The following FARSA variants were observed in gnomAD, a reference collection of about 807,000 sequenced individuals.
The protein encoded by FARSA is phenylalanine--tRNA ligase alpha subunit.
FARSA carries 37 observed loss-of-function variants against 63.2 expected under a neutral mutation model. That is an observed-to-expected ratio of 0.59 (90% CI 0.45 to 0.77). FARSA has a LOEUF of 0.77. FARSA is among the 30% of genes least tolerant of loss of function. FARSA has a pLI of 0.00. For missense variants in FARSA, 618 were observed against 696.6 expected, an observed-to-expected ratio of 0.89 and a Z score of 1.27; for synonymous variants, 312 against 285.1, an observed-to-expected ratio of 1.09 and a Z score of -0.95.
chr19:12,925,863 G>A (rs10419627), intron 7 of FARSA, among the ~76,000 whole-genome samples: 85,182 of 151,908 alleles, frequency 0.56, 24,774 homozygotes, highest in East Asian at 0.82. Flanking sequence ...GGTAGACGTG[G>A]GGTTTCACCA....
intron 7 of FARSA, among the ~76,000 whole-genome samples, chr19:12,927,122 G>A (rs760745131): frequency 2.0e-5 from 3 of 152,252 alleles, no homozygotes; most frequent in Non-Finnish European, 4.4e-5. Flanking sequence ...AACACTAGGG[G>A]AGAAGGGCTT....
rs1599655278 is a variant in FARSA, at chr19:12,933,567, G to A, written c.130C>T (p.Leu44Phe). ...HQAVVGAVKS[L>F]QALGEVIEAE... is the part of the protein sequence containing the mutation. ...CGGCTCACCTCGCCCAGCGCCTGAA[G>A]GCTCTTCACGGCGCCCACCACCGCC... is the stretch of plus-strand genomic sequence containing the variant. The change falls in exon 1 of 13, where the codon CTT becomes TTT. Residue 44 changes from leucine to phenylalanine, a missense_variant. Leu to Phe is a conservative substitution (Grantham distance 22). Coordinates refer to ENST00000314606, the MANE Select transcript of FARSA (RefSeq NM_004461.3). The A allele has an allele frequency of 1.3e-6, 2 of 1,546,062 alleles. No homozygotes were observed. The highest frequency in any genetic ancestry group is 1.4e-5 in the African/African-American group (1 of 73,472).
Position 12,933,343 on chromosome 19 carries a change from G to A in FARSA, c.147+207C>T. 6.9e-6 allele frequency: 4 copies of A among 583,692 alleles called. No homozygotes were observed. The South Asian group carries it at 8.9e-5, about 13-fold the overall frequency. 36.2% of individuals were successfully genotyped at this position (583,692 alleles called of 1,614,324 possible). Reference sequence around the variant, plus strand: ...ATCGTACCCTCTACCCACGCTGACCGTGCCTCAATAAACGTTTATTGCATG... The same window carrying A: ...ATCGTACCCTCTACCCACGCTGACCATGCCTCAATAAACGTTTATTGCATG... On this transcript the variant is annotated intron_variant, in intron 1 of 12. Transcript: ENST00000314606.
In FARSA at chr19:12,924,476, T is replaced by C. The variant is rs1241307708; in HGVS notation, c.1246A>G (p.Ser416Gly). 1 of 1,613,414 alleles carries C rather than the reference T, an allele frequency of 6.2e-7. No individual in the cohort carries two copies. The highest frequency in any genetic ancestry group is 8.5e-7 in the Non-Finnish European group (1 of 1,180,012). ...KPAYNPYTEP[S>G]MEVFSYHQGL... ...TGGTGGTAGCTGAACACCTCCATGC[T>C]GGGCTCTGTGTATGGGTTGTAGGCT... The change falls in exon 11 of 13, where the codon AGC becomes GGC. Residue 416 changes from serine (S) to glycine (G), a missense_variant. Coordinates refer to ENST00000314606, the MANE Select transcript of FARSA (RefSeq NM_004461.3). The surrounding 1 kb of genome is among the most constrained non-coding windows in gnomAD (Gnocchi z 6.4).
intron 1 of FARSA, among the ~76,000 whole-genome samples, chr19:12,931,938 A>T (rs574515812): frequency 6.6e-6 from 1 of 152,334 alleles, no homozygotes; most frequent in African/African-American, 2.4e-5. Flanking sequence ...CCATAAGAGA[A>T]AGGTGTGATG....
At position 12,930,163 on chromosome 19, in the gene FARSA, A is replaced by G. The variant is rs1052327722; in HGVS notation, c.503+60T>C. 7.5e-6 allele frequency: 10 copies of G among 1,332,016 alleles called. No homozygotes were observed. In the East Asian group the frequency reaches 1.1e-4, roughly 15 times the overall value. The allele number at this position is 1,332,016 out of a possible 1,614,324, so 82.5% of individuals were successfully genotyped here. ...GTGGGCAAGATGTCTCCCTCCCACC[A>G]TGCCTCCACCATGCTTCGCAGGTGG... On this transcript the variant is annotated intron_variant, in intron 4 of 12. Coordinates refer to ENST00000314606, the MANE Select transcript of FARSA (RefSeq NM_004461.3).
chr19:12,928,563 G>A lies in FARSA; in HGVS notation c.697C>T (p.Gln233Ter). 1.2e-6 allele frequency: 2 copies of A among 1,614,084 alleles called. No individual in the cohort carries two copies. Among genetic ancestry groups the A allele is most frequent in the Non-Finnish European group, 1.7e-6 (2 of 1,179,976 alleles). The part of the protein sequence containing the change: ...HLHPLLKVRS[Q>*]FRQIFLEMGF... Reference sequence around the variant, plus strand: ...ATCTCCAGGAAGATCTGTCGGAACTGGGAGCGGACCTTGAGCAGCGGGTGA... The same window carrying A: ...ATCTCCAGGAAGATCTGTCGGAACTAGGAGCGGACCTTGAGCAGCGGGTGA... The change falls in exon 6 of 13, where the codon CAG (glutamine) becomes TAG (stop). Residue 233 changes from glutamine (Q) to a stop codon, truncating the protein, a stop_gained. Transcript: ENST00000314606. LOFTEE classifies it high-confidence loss of function.
chr19:12,933,673 T>G lies in FARSA; in HGVS notation c.24A>C (p.Glu8Asp). 6.4e-7 allele frequency: 1 copy of G among 1,571,092 alleles called. No individual in the cohort carries two copies. ...ACGCCTCCAGCCGCCGGAGCAGCAG[T>G]TCCGCCACCTGACCATCCGCCATGA... Reference protein sequence around the residue: MADGQVAELLLRRLEASD... With the variant: MADGQVADLLLRRLEASD... The change falls in exon 1 of 13, where the codon GAA becomes GAC. Residue 8 changes from glutamate to aspartate, a missense_variant. By Grantham distance (45) the Glu-to-Asp change is conservative. Transcript: ENST00000314606.
intron 7 of FARSA, among the ~76,000 whole-genome samples, chr19:12,926,647 C>T (rs1284666234): frequency 1.3e-5 from 2 of 151,804 alleles, no homozygotes; most frequent in African/African-American, 2.4e-5. Flanking sequence ...CAGCCTCAAA[C>T]TCCCAGGCTC....
At chr19:12,932,431 G>C (rs1486130011) in intron 1 of FARSA, among the ~76,000 whole-genome samples, 1 of 152,082 alleles carries the variant, frequency 6.6e-6, no homozygotes, top group Non-Finnish European at 1.5e-5. Context: ...ACAAATGTCA[G>C]ATCATATTGG....
At chr19:12,927,306 G>C (rs1403419346) in intron 7 of FARSA, among the ~76,000 whole-genome samples, 1 of 152,202 alleles carries the variant, frequency 6.6e-6, no homozygotes, top group Non-Finnish European at 1.5e-5. Flanking sequence ...GCCCAAAGAA[G>C]ACATGGGGGC....
chr19:12,929,049 CT>C (rs1225952930), intron 4 of FARSA, among the ~76,000 whole-genome samples: 3 of 152,196 alleles, frequency 2.0e-5, no homozygotes, highest in Non-Finnish European at 2.9e-5. Flanking sequence ...TCAACACTTA[CT>C]GAGAACCTAA....
intron 12 of FARSA, among the ~76,000 whole-genome samples, chr19:12,923,451 G>A (rs1971287606): frequency 1.3e-5 from 2 of 151,996 alleles, no homozygotes; most frequent in African/African-American, 4.8e-5. Context: ...ACAGACGCAC[G>A]CAACAGTGCC....
At chr19:12,925,448 C>T (rs1004307709) in intron 7 of FARSA, among the ~76,000 whole-genome samples, 2 of 152,028 alleles carry the variant, frequency 1.3e-5, no homozygotes, top group Non-Finnish European at 2.9e-5. Flanking sequence ...ACCTCCACCT[C>T]CCAAGTTCAA....
chr19:12,924,591 C>T lies in FARSA; in HGVS notation c.1195+48G>A, dbSNP rs1370631121. ...GAGGATAATGCTGGTGATCAACACA[C>T]CTGCCCGCTGCCTCACCACCATGGC... On this transcript the variant is annotated intron_variant, in intron 10 of 12. Coordinates refer to ENST00000314606, the MANE Select transcript of FARSA (RefSeq NM_004461.3). This position sits in a 1 kb window ranked among gnomAD's most constrained non-coding sequence, Gnocchi z 6.4. 8 of 1,612,630 alleles carry T rather than the reference C, an allele frequency of 5.0e-6. No homozygotes were observed. The highest frequency in any genetic ancestry group is 3.3e-5 in the Admixed American group (2 of 59,974).
chr19:12,930,316 T>C lies in FARSA; in HGVS notation c.410A>G (p.Gln137Arg). 1 of 1,614,120 alleles carries C rather than the reference T, an allele frequency of 6.2e-7. No homozygotes were observed. Among genetic ancestry groups the C allele is most frequent in the East Asian group, 2.2e-5 (1 of 44,880 alleles). ...CCCCCGGACCAGCTGGAGCCGCCGC[T>C]GCACCTCATCCTCCATGCTGTCCAC... ...RVVDSMEDEV[Q>R]RRLQLVRGGQ... is the part of the protein sequence containing the mutation. The change falls in exon 4 of 13, where the codon CAG (glutamine) becomes CGG (arginine). Residue 137 changes from glutamine (Q) to arginine (R), a missense_variant. Coordinates refer to ENST00000314606, the MANE Select transcript of FARSA (RefSeq NM_004461.3).
At position 12,933,660 on chromosome 19, in the gene FARSA, G is replaced by C; in HGVS notation, c.37C>G (p.Arg13Gly). 6.4e-7 allele frequency: 1 copy of C among 1,568,738 alleles called. No individual in the cohort carries two copies. Among genetic ancestry groups the C allele is most frequent in the Non-Finnish European group, 8.6e-7 (1 of 1,161,108 alleles). ...DGQVAELLLR[R>G]LEASDGGLDS... ...AGGCCGCCATCAGACGCCTCCAGCC[G>C]CCGGAGCAGCAGTTCCGCCACCTGA... The change falls in exon 1 of 13, where the codon CGG (arginine) becomes GGG (glycine). Residue 13 changes from arginine to glycine, a missense_variant. Physicochemically the swap from Arg to Gly is moderately radical, Grantham distance 125. Coordinates refer to ENST00000314606, the MANE Select transcript of FARSA (RefSeq NM_004461.3).
At position 12,924,883 on chromosome 19, in the gene FARSA, C is replaced by A; in HGVS notation, c.1026+21G>T. 1 of 1,614,130 alleles carries A rather than the reference C, an allele frequency of 6.2e-7. No homozygotes were observed. Among genetic ancestry groups the A allele is most frequent in the Non-Finnish European group, 8.5e-7 (1 of 1,179,952 alleles). On this transcript the variant is annotated intron_variant, in intron 9 of 12. Coordinates refer to ENST00000314606, the MANE Select transcript of FARSA (RefSeq NM_004461.3). This position sits in a 1 kb window ranked among gnomAD's most constrained non-coding sequence, Gnocchi z 6.4. Reference sequence around the variant, plus strand: ...GACAGCACCCTCTCCCCACTGGGGCCCCCGCCTGGGCCAACCGCACCTTCT... The same window carrying A: ...GACAGCACCCTCTCCCCACTGGGGCACCCGCCTGGGCCAACCGCACCTTCT...
Position 12,922,651 on chromosome 19 carries a change from C to A in FARSA, c.*97G>T. 1 of 1,507,956 alleles carries A rather than the reference C, an allele frequency of 6.6e-7. No homozygotes were observed. The allele number at this position is 1,507,956 out of a possible 1,614,324, so 93.4% of individuals were successfully genotyped here. A position where few individuals can be genotyped will look rare whatever the true frequency, so the allele number is the denominator to read the frequency against. ...GAAAGAGGAAGGTGGGGGCTGGCCT[C>A]ACAGAGGCCTCATAAATACAAGGTC... On this transcript the variant is annotated 3_prime_UTR_variant, in exon 13 of 13. Coordinates refer to ENST00000314606, the MANE Select transcript of FARSA (RefSeq NM_004461.3).
Sources: gnomAD v4.1 joint callset for allele counts (sites outside exome capture counted in the v4.1 genomes callset) on GRCh38, gnomAD v4.1.1 for gene constraint, Gnocchi (gnomAD v3.1) non-coding constraint, MANE v1.5 for transcripts, NCBI Gene and HGNC (gene_info 2026-07-23, HGNC 2026-07-21) for gene names.